Variants in FZR1 observed in about 807,000 individuals in gnomAD.
The protein encoded by FZR1 is fizzy-related protein homolog.
In FZR1, 11 loss-of-function variants were observed where a neutral mutation model predicts 63.6. That is an observed-to-expected ratio of 0.17 (90% CI 0.11 to 0.29). The LOEUF (loss-of-function observed/expected upper bound fraction) is 0.29, where lower values mean the gene tolerates loss of function less well. FZR1 is among the 10% of genes least tolerant of loss of function. The pLI, the probability that FZR1 is intolerant of heterozygous loss-of-function variation, is 1.00. For synonymous variants in FZR1, 328 were observed against 297.9 expected (o/e 1.10, Z -1.04); for missense variants, 440 against 687.5 (o/e 0.64, Z 4.03).
intron 10 of FZR1, 114 bp downstream of exon 10, chr19:3,532,209 C>T: frequency 1.9e-6 from 2 of 1,054,044 alleles, no homozygotes; most frequent in Non-Finnish European, 2.7e-6. Flanking sequence ...CACTCCACAG[C>T]CATCAGCAGG....
At chr19:3,521,713 G>A (rs1158201316) in intron 1 of FZR1, among the ~76,000 whole-genome samples, 2 of 152,156 alleles carry the variant, frequency 1.3e-5, no homozygotes, top group East Asian at 1.9e-4. Context: ...CGTTGGCCAG[G>A]CTGGTCTCAA....
chr19:3,532,551 T>C lies in FZR1; in HGVS notation c.1143T>C (p.Cys381=). 2 of 1,612,600 alleles carry C rather than the reference T, an allele frequency of 1.2e-6. No homozygotes were observed. Among genetic ancestry groups the C allele is most frequent in the Non-Finnish European group, 1.7e-6 (2 of 1,179,756 alleles). The change falls in exon 11 of 14, where the codon TGT becomes TGC. Residue 381 remains cysteine (C), a synonymous_variant. Transcript: ENST00000441788. Reference sequence around the variant, plus strand: ...CGGGGGGCGGCACAGCTGACCGCTGTATCCGCTTCTGGAACACGCTGACAG... The same window carrying C: ...CGGGGGGCGGCACAGCTGACCGCTGCATCCGCTTCTGGAACACGCTGACAG... The part of the protein sequence containing the change: ...LASGGGTADR[C]IRFWNTLTGQ...
chr19:3,533,765 G>C lies in FZR1; in HGVS notation c.1347+367G>C, dbSNP rs1256178372. 1 of 213,640 alleles carries C rather than the reference G, an allele frequency of 4.7e-6. No homozygotes were observed. Among genetic ancestry groups the C allele is most frequent in the African/African-American group, 2.4e-5 (1 of 41,380 alleles). The allele number at this position is 213,640 out of a possible 1,614,324, so 13.2% of individuals were successfully genotyped here. On this transcript the variant is annotated intron_variant, in intron 12 of 13. Transcript: ENST00000441788. This position sits in a 1 kb window ranked among gnomAD's most constrained non-coding sequence, Gnocchi z 4.9. ...AACTGTATGCACGTGGCTGGATGGG[G>C]GCCAGGAGGCGTCCTTGGCCCCACG...
chr19:3,534,614 C>T (rs903223041), intron 13 of FZR1, 101 bp downstream of exon 13: 1 of 938,828 alleles, frequency 1.1e-6, no homozygotes, highest in Non-Finnish European at 1.7e-6. Flanking sequence ...CTGGGTTCCC[C>T]CACTTCCGAG....
intron 1 of FZR1, among the ~76,000 whole-genome samples, chr19:3,508,367 G>T (rs2083001275): frequency 6.6e-6 from 1 of 151,992 alleles, no homozygotes; most frequent in Non-Finnish European, 1.5e-5. Context: ...GGCTATTTTT[G>T]TATTTTAAGT....
At chr19:3,524,100 G>T (rs1316589315) in intron 2 of FZR1, among the ~76,000 whole-genome samples, 1 of 152,252 alleles carries the variant, frequency 6.6e-6, no homozygotes, top group African/African-American at 2.4e-5. Flanking sequence ...CAGAGAGAGA[G>T]AGGCATAAAT....
At chr19:3,512,118 C>G (rs535202215) in intron 1 of FZR1, among the ~76,000 whole-genome samples, 3 of 152,344 alleles carry the variant, frequency 2.0e-5, no homozygotes, top group Non-Finnish European at 2.9e-5. Context: ...GTGTCATGGT[C>G]TGTGGACAGG....
At chr19:3,521,422 T>A (rs1416590111) in intron 1 of FZR1, 1 of 151,754 alleles carries the variant, frequency 6.6e-6, no homozygotes, top group African/African-American at 2.4e-5. Flanking sequence ...GAGTTTCAGT[T>A]TGGGAAGATG....
rs1568235141 is a variant in FZR1 at position 3,526,065 on chromosome 19, G to C, written c.196-55G>C. ...GGCCCCTCCCAGCCTCCTTGCTCTA[G>C]GGCCGGGAACAAGCGGGCTCCTCGA... On this transcript the variant is annotated intron_variant, in intron 3 of 13. Coordinates refer to ENST00000441788, the MANE Select transcript of FZR1 (RefSeq NM_016263.4). This position sits in a 1 kb window ranked among gnomAD's most constrained non-coding sequence, Gnocchi z 5.4. 6.2e-7 allele frequency: 1 copy of C among 1,611,632 alleles called. No individual in the cohort carries two copies. Among genetic ancestry groups the C allele is most frequent in the Non-Finnish European group, 8.5e-7 (1 of 1,179,080 alleles).
Position 3,516,238 on chromosome 19 carries a change from C to A in FZR1, c.-34-6718C>A, listed in dbSNP as rs1350109731. Among the ~76,000 whole-genome samples the A allele has an allele frequency of 6.6e-6, 1 of 152,218 alleles. No individual in the cohort carries two copies. Among genetic ancestry groups the A allele is most frequent in the South Asian group, 2.1e-4 (1 of 4,830 alleles). ...GAGTCCCCCAGCCCACAGCCTCCCC[C>A]ACCGTCTGACGGGCGGGAGGGTGGT... On this transcript the variant is annotated intron_variant, in intron 1 of 13. Transcript: ENST00000441788. The surrounding 1 kb of genome is among the most constrained non-coding windows in gnomAD (Gnocchi z 6.0).
At chr19:3,517,945 C>CCACCTCA (rs949440153) in intron 1 of FZR1, among the ~76,000 whole-genome samples, 1 of 151,054 alleles carries the variant, frequency 6.6e-6, no homozygotes, top group African/African-American at 2.4e-5. Flanking sequence ...ACTGCAGCCT[C>CCACCTCA]CACCTCAGCC....
chr19:3,528,104 A>G (rs1038059760), intron 7 of FZR1, among the ~76,000 whole-genome samples: 1 of 151,232 alleles, frequency 6.6e-6, no homozygotes, highest in East Asian at 2.0e-4. Context: ...CTGCGGCAGC[A>G]TGGGGTCCCC....
rs1411157344 is a variant in FZR1, at chr19:3,515,085, G to T, written c.-34-7871G>T. Reference sequence around the variant, plus strand: ...CCACCCAGACCAGGGCAACCAAGCTGCAGGTGTCGGCCACACAGGCAGAGC... The same window carrying T: ...CCACCCAGACCAGGGCAACCAAGCTTCAGGTGTCGGCCACACAGGCAGAGC... On this transcript the variant is annotated intron_variant, in intron 1 of 13. Coordinates refer to ENST00000441788, the MANE Select transcript of FZR1 (RefSeq NM_016263.4). The surrounding 1 kb of genome is among the most constrained non-coding windows in gnomAD (Gnocchi z 4.6). Among the ~76,000 whole-genome samples the T allele has an allele frequency of 3.3e-5, 5 of 152,194 alleles. No individual in the cohort carries two copies. The highest frequency in any genetic ancestry group is 1.2e-4 in the African/African-American group (5 of 41,454).
rs987124387 is a variant in FZR1 at position 3,534,518 on chromosome 19, A to C, written c.1440+5A>C. The C allele has an allele frequency of 6.3e-7, 1 of 1,590,946 alleles. No individual in the cohort carries two copies. Among genetic ancestry groups the C allele is most frequent in the Non-Finnish European group, 8.6e-7 (1 of 1,163,930 alleles). ...AGCAAAACCCGTTCGACAAAGGTAAAGTGGGTCGGTATCAGCGCCACTCGC... is the reference window on the plus strand; with the variant it reads ...AGCAAAACCCGTTCGACAAAGGTAACGTGGGTCGGTATCAGCGCCACTCGC... On this transcript the variant is annotated splice_donor_5th_base_variant and intron_variant, in intron 13 of 13. Transcript: ENST00000441788.
intron 13 of FZR1, 121 bp from the exon 14 acceptor site, chr19:3,534,674 C>G (rs1032017571): frequency 1.0e-6 from 1 of 976,070 alleles, no homozygotes; most frequent in African/African-American, 1.6e-5. Flanking sequence ...TGTGGCAGGC[C>G]GAGGCTGAAC....
intron 1 of FZR1, among the ~76,000 whole-genome samples, chr19:3,518,101 G>A (rs1200861414): frequency 6.3e-5 from 9 of 143,934 alleles, no homozygotes; most frequent in African/African-American, 1.0e-4. Flanking sequence ...TGCAACCTCC[G>A]CCTTCCAGGT....
intron 7 of FZR1, among the ~76,000 whole-genome samples, chr19:3,530,411 CA>C (rs2083232681): frequency 1.2e-5 from 1 of 85,974 alleles, no homozygotes; most frequent in Non-Finnish European, 2.3e-5. Context: ...TGGGAGAGCG[CA>C]TGGGAGAGCG....
chr19:3,526,547 C>T lies in FZR1; in HGVS notation c.387+161C>T, dbSNP rs766648499. On this transcript the variant is annotated intron_variant, in intron 5 of 13. Transcript: ENST00000441788. The surrounding 1 kb of genome is among the most constrained non-coding windows in gnomAD (Gnocchi z 5.4). ...CCTGTTCCTTAGCCAGGTCAGGGGC[C>T]CTGGGATCTGAGGCTGGAGGTCTAG... 3.3e-5 allele frequency among the ~76,000 whole-genome samples: 5 copies of T among 152,208 alleles called. No individual in the cohort carries two copies. Among genetic ancestry groups the T allele is most frequent in the Non-Finnish European group, 7.4e-5 (5 of 68,026 alleles).
intron 2 of FZR1, 53 bp downstream of exon 2, chr19:3,523,111 C>G: frequency 9.0e-7 from 1 of 1,113,112 alleles, no homozygotes; most frequent in Admixed American, 1.7e-5. Flanking sequence ...CCAGCTGCCT[C>G]TGCCCTGGCC....
Sources: gnomAD v4.1 joint callset for allele counts (sites outside exome capture counted in the v4.1 genomes callset) on GRCh38, gnomAD v4.1.1 for gene constraint, Gnocchi (gnomAD v3.1) non-coding constraint, MANE v1.5 for transcripts, NCBI Gene and HGNC (gene_info 2026-07-23, HGNC 2026-07-21) for gene names.